FNBP1: variants seen among roughly 807,000 people sequenced by gnomAD.
FNBP1 encodes formin binding protein 1.
A neutral mutation model predicts 90.6 loss-of-function variants in FNBP1; 26 were observed. The ratio of observed to expected loss-of-function variants is 0.29; its 90% CI spans 0.21 to 0.40. FNBP1 has a LOEUF of 0.40. Among genes scored for constraint, FNBP1 ranks in the 10% least tolerant of loss-of-function variants. The probability of loss-of-function intolerance (pLI) is 1.00; values close to 1 mark genes in which losing one functional copy is unlikely to be tolerated. For missense variants in FNBP1, 635 were observed against 768.0 expected (o/e 0.83, Z 2.05); for synonymous variants, 260 against 265.2 (o/e 0.98, Z 0.19).
At chr9:129,903,820 C>T (rs2037436060) in intron 12 of FNBP1, among the ~76,000 whole-genome samples, 1 of 152,044 alleles carries the variant, frequency 6.6e-6, no homozygotes, top group Non-Finnish European at 1.5e-5. Flanking sequence ...CATGAGCCAC[C>T]GAATCTGGCT....
intron 10 of FNBP1, 29 bp downstream of exon 10, chr9:129,923,813 CAG>C: frequency 6.5e-7 from 1 of 1,535,576 alleles, no homozygotes. Context: ...CAAAGCACGC[CAG>C]AGAGACAGGA....
rs1246803137 is a variant in FNBP1 at position 129,923,925 on chromosome 9, T to C, written c.1089A>G (p.Gln363=). ...TGAAGCGATGGGAGAGGGGTTCCTT[T>C]TGCTGCTTGGGAGACTGGGGGCCGT... ...VPNGPQSPKQ[Q]KEPLSHRFNE... is the part of the protein sequence containing the mutation. The change falls in exon 10 of 17, where the codon CAA becomes CAG. Residue 363 remains glutamine (Q), a synonymous_variant. Transcript: ENST00000446176. The C allele has an allele frequency of 1.3e-6, 2 of 1,594,756 alleles. No homozygotes were observed. The highest frequency in any genetic ancestry group is 3.5e-5 in the Admixed American group (2 of 56,994).
intron 1 of FNBP1, among the ~76,000 whole-genome samples, chr9:130,015,509 T>G (rs2057137989): frequency 6.6e-6 from 1 of 152,302 alleles, no homozygotes; most frequent in African/African-American, 2.4e-5. Context: ...CAGCCTCGAC[T>G]ACTGCCCAGG....
chr9:129,955,888 T>C (rs920899890), intron 6 of FNBP1, among the ~76,000 whole-genome samples: 1 of 151,614 alleles, frequency 6.6e-6, no homozygotes, highest in Non-Finnish European at 1.5e-5. Flanking sequence ...ATACACTGAT[T>C]TGCCTCATTC....
chr9:130,024,419 G>C (rs1589334058), intron 1 of FNBP1, among the ~76,000 whole-genome samples: 1 of 152,146 alleles, frequency 6.6e-6, no homozygotes, highest in African/African-American at 2.4e-5. Context: ...CTGGGTGACA[G>C]AGCAAGACCC....
chr9:130,027,882 G>A (rs1252812214), intron 1 of FNBP1, among the ~76,000 whole-genome samples: 2 of 151,774 alleles, frequency 1.3e-5, no homozygotes, highest in African/African-American at 2.4e-5. Context: ...TCCTAAAAGC[G>A]CAAGAAAAAA....
At chr9:129,991,469 C>T (rs75299693) in intron 2 of FNBP1, among the ~76,000 whole-genome samples, 1,621 of 151,460 alleles carry the variant, frequency 0.011, 42 homozygotes, top group African/African-American at 0.038. Context: ...GGCAGGGTCT[C>T]GCTATGTTGC....
chr9:129,895,459 T>C (rs2035558376), intron 16 of FNBP1: 1 of 1,132,174 alleles, frequency 8.8e-7, no homozygotes, highest in Non-Finnish European at 1.1e-6. Context: ...AGGGAAGTCT[T>C]TGGCACCTGC....
chr9:130,017,736 A>T (rs1375061388), intron 1 of FNBP1, among the ~76,000 whole-genome samples: 1 of 151,708 alleles, frequency 6.6e-6, no homozygotes, highest in Non-Finnish European at 1.5e-5. Context: ...AGGCTAAGGC[A>T]GGAGAATCAC....
intron 4 of FNBP1, among the ~76,000 whole-genome samples, chr9:129,976,150 A>T (rs1364279805): frequency 6.6e-6 from 1 of 152,104 alleles, no homozygotes; most frequent in African/African-American, 2.4e-5. Context: ...TCCAGCAGAA[A>T]CTGTCATCTA....
At chr9:129,928,522 A>G (rs544079990) in intron 7 of FNBP1, among the ~76,000 whole-genome samples, 2 of 152,156 alleles carry the variant, frequency 1.3e-5, no homozygotes, top group African/African-American at 4.8e-5. Context: ...GTAGCCAGGT[A>G]TGGTGGCAGG....
intron 15 of FNBP1, 63 bp downstream of exon 15, chr9:129,899,902 A>G (rs2036580851): frequency 5.1e-6 from 7 of 1,365,140 alleles, no homozygotes; most frequent in Non-Finnish European, 6.8e-6. Context: ...AAAGTGAAAG[A>G]AGAGTAACTC....
intron 1 of FNBP1, among the ~76,000 whole-genome samples, chr9:130,013,210 G>C (rs1046941890): frequency 6.6e-6 from 1 of 151,934 alleles, no homozygotes; most frequent in African/African-American, 2.4e-5. Context: ...GAATACCTGG[G>C]CTCAAGCAAT....
Position 129,966,988 on chromosome 9 carries a change from G to C in FNBP1, c.346-8435C>G, listed in dbSNP as rs2048726050. ...ATGAGAGATAATGAGGCACAGGACT[G>C]GGGTAGATGTGGAAGAGGGGTGAGA... On this transcript the variant is annotated intron_variant, in intron 4 of 16. Transcript: ENST00000446176. This position sits in a 1 kb window ranked among gnomAD's most constrained non-coding sequence, Gnocchi z 4.3. Among the ~76,000 whole-genome samples, 1 of 152,194 alleles carries C rather than the reference G, an allele frequency of 6.6e-6. No individual in the cohort carries two copies. The highest frequency in any genetic ancestry group is 2.1e-4 in the South Asian group (1 of 4,834).
intron 15 of FNBP1, among the ~76,000 whole-genome samples, chr9:129,898,215 G>A (rs978533267): frequency 1.3e-5 from 2 of 152,122 alleles, no homozygotes; most frequent in East Asian, 3.9e-4. Flanking sequence ...AGCTCTGACT[G>A]CATCGACACC....
rs969753282 is a variant in FNBP1, at chr9:129,888,919, G to T, written c.*1620C>A. 3.0e-5 allele frequency: 7 copies of T among 231,920 alleles called. No homozygotes were observed. Among genetic ancestry groups the T allele is most frequent in the African/African-American group, 1.5e-4 (7 of 45,240 alleles). 14.4% of individuals were successfully genotyped at this position (231,920 alleles called of 1,614,324 possible). A position where few individuals can be genotyped will look rare whatever the true frequency, so the allele number is the denominator to read the frequency against. On this transcript the variant is annotated 3_prime_UTR_variant, in exon 17 of 17. Transcript: ENST00000446176. ...ACAGCAAGAGGAACTGAGGATGCTT[G>T]AGGGGACCACCTAGTTACCAAAGCC...
intron 4 of FNBP1, among the ~76,000 whole-genome samples, chr9:129,971,332 G>T (rs971559649): frequency 1.2e-4 from 18 of 152,204 alleles, no homozygotes; most frequent in African/African-American, 4.3e-4. Flanking sequence ...AGAATAAAAA[G>T]CATCTTTTCT....
intron 6 of FNBP1, among the ~76,000 whole-genome samples, chr9:129,930,245 T>G (rs917815447): frequency 1.3e-5 from 2 of 151,846 alleles, no homozygotes; most frequent in Non-Finnish European, 2.9e-5. Flanking sequence ...ATTTTTTTTG[T>G]AGATAGGAGG....
At chr9:130,011,212 T>A (rs1191390376) in intron 1 of FNBP1, among the ~76,000 whole-genome samples, 1 of 24,388 alleles carries the variant, frequency 4.1e-5, no homozygotes, top group Non-Finnish European at 6.7e-5. Flanking sequence ...TGAGACTCCA[T>A]CTCAAAAAAA....
Sources: gnomAD v4.1 joint callset for allele counts (sites outside exome capture counted in the v4.1 genomes callset) on GRCh38, gnomAD v4.1.1 for gene constraint, Gnocchi (gnomAD v3.1) non-coding constraint, MANE v1.5 for transcripts, NCBI Gene and HGNC (gene_info 2026-07-23, HGNC 2026-07-21) for gene names.